The following CDH2 variants were observed in gnomAD, a reference collection of about 807,000 sequenced individuals.
CDH2 encodes cadherin 2, also known as cadherin-2.
A neutral mutation model predicts 92.0 loss-of-function variants in CDH2; 17 were observed. The observed-to-expected ratio is 0.18, with a 90% CI of 0.13 to 0.28. The LOEUF is 0.28. Ranked by LOEUF, CDH2 falls within the 10% of genes least tolerant of loss-of-function variation. The pLI, the probability that CDH2 is intolerant of heterozygous loss-of-function variation, is 1.00. For missense variants in CDH2, 862 were observed against 1,133.1 expected (o/e 0.76, Z 3.44); for synonymous variants, 419 against 415.9 (o/e 1.01, Z -0.09).
chr18:28,128,286 T>A (rs578235951), intron 2 of CDH2, among the ~76,000 whole-genome samples: 15 of 152,216 alleles, frequency 9.9e-5, no homozygotes, highest in Non-Finnish European at 2.1e-4. Context: ...ATCACTTACA[T>A]AAAGTCACAG....
chr18:27,974,472 A>G (rs1453432085), intron 14 of CDH2, among the ~76,000 whole-genome samples: 1 of 152,216 alleles, frequency 6.6e-6, no homozygotes, highest in Non-Finnish European at 1.5e-5. Flanking sequence ...CAAGCTCAAG[A>G]AAACATAGTC....
At chr18:28,065,360 C>T (rs547607322) in intron 2 of CDH2, among the ~76,000 whole-genome samples, 12 of 152,068 alleles carry the variant, frequency 7.9e-5, no homozygotes, top group African/African-American at 1.9e-4. Context: ...GGGTGATGGA[C>T]GAGTATCCAA....
intron 2 of CDH2, among the ~76,000 whole-genome samples, chr18:28,081,343 C>T (rs2014824879): frequency 6.6e-6 from 1 of 152,162 alleles, no homozygotes; most frequent in African/African-American, 2.4e-5. Flanking sequence ...TCCTAAAGCA[C>T]TAGTCAAAAT....
intron 1 of CDH2, among the ~76,000 whole-genome samples, chr18:28,154,247 G>A (rs1392224055): frequency 6.6e-6 from 1 of 152,090 alleles, no homozygotes. Context: ...CTTTTGCTTT[G>A]AACAGAGCAT....
chr18:28,019,061 C>G (rs2013334433), intron 2 of CDH2, among the ~76,000 whole-genome samples: 2 of 151,810 alleles, frequency 1.3e-5, no homozygotes, highest in Admixed American at 1.3e-4. Context: ...AAAACTAAAC[C>G]CTATGTTCTC....
At chr18:27,969,585 T>G (rs1268829877) in intron 14 of CDH2, among the ~76,000 whole-genome samples, 1 of 152,368 alleles carries the variant, frequency 6.6e-6, no homozygotes. Flanking sequence ...CACACTTCAA[T>G]TAGACTTGAT....
chr18:28,050,440 T>C (rs1465189121), intron 2 of CDH2, among the ~76,000 whole-genome samples: 1 of 151,968 alleles, frequency 6.6e-6, no homozygotes, highest in Non-Finnish European at 1.5e-5. Context: ...GAGCAGTCAC[T>C]TTCTATTCAT....
chr18:28,041,728 A>G (rs1184926643), intron 2 of CDH2, among the ~76,000 whole-genome samples: 1 of 152,182 alleles, frequency 6.6e-6, no homozygotes, highest in Non-Finnish European at 1.5e-5. Context: ...CTATTCCTGA[A>G]TTCTTAGAGG....
chr18:28,070,083 G>C (rs2014587128), intron 2 of CDH2, among the ~76,000 whole-genome samples: 1 of 152,130 alleles, frequency 6.6e-6, no homozygotes, highest in Non-Finnish European at 1.5e-5. Flanking sequence ...ATCATAGATA[G>C]GGTGAAAATT....
intron 2 of CDH2, among the ~76,000 whole-genome samples, chr18:28,023,162 T>C (rs1320830271): frequency 2.0e-5 from 3 of 152,174 alleles, no homozygotes; most frequent in South Asian, 4.1e-4. Context: ...TATGACCTTA[T>C]ATGGAATCAC....
intron 2 of CDH2, among the ~76,000 whole-genome samples, chr18:28,131,385 G>C (rs1253539051): frequency 6.6e-6 from 1 of 152,168 alleles, no homozygotes; most frequent in East Asian, 1.9e-4. Flanking sequence ...TAAAGAGGTA[G>C]CGAGATCTCA....
chr18:28,144,907 C>G (rs1288298961), intron 2 of CDH2, among the ~76,000 whole-genome samples: 1 of 151,998 alleles, frequency 6.6e-6, no homozygotes, highest in East Asian at 1.9e-4. Context: ...AAATTCATTA[C>G]ACTAGCAAAA....
intron 7 of CDH2, among the ~76,000 whole-genome samples, chr18:27,997,957 C>T (rs1662728): frequency 0.51 from 76,712 of 151,374 alleles, 19,512 homozygotes; most frequent in South Asian, 0.58. Context: ...CAGGCGCCCG[C>T]AACCACGCCT....
At chr18:27,989,794 T>C (rs1737600778) in intron 10 of CDH2, among the ~76,000 whole-genome samples, 1 of 152,186 alleles carries the variant, frequency 6.6e-6, no homozygotes, top group East Asian at 1.9e-4. Flanking sequence ...TTGTGATGTT[T>C]GGCATAAAGG....
At chr18:28,035,470 A>G (rs1376044735) in intron 2 of CDH2, among the ~76,000 whole-genome samples, 1 of 152,040 alleles carries the variant, frequency 6.6e-6, no homozygotes, top group African/African-American at 2.4e-5. Flanking sequence ...AATGAGGTTA[A>G]CCTTCATTTT....
chr18:28,151,024 C>G (rs1470371092), intron 1 of CDH2, among the ~76,000 whole-genome samples: 1 of 152,204 alleles, frequency 6.6e-6, no homozygotes, highest in Non-Finnish European at 1.5e-5. Context: ...TTACTTTGCA[C>G]CAAGCACTGT....
At chr18:27,975,573 G>T (rs1419048444) in intron 14 of CDH2, among the ~76,000 whole-genome samples, 2 of 152,216 alleles carry the variant, frequency 1.3e-5, no homozygotes, top group South Asian at 4.1e-4. Flanking sequence ...TCTAGGTGGG[G>T]TGCCTGCCAC....
chr18:27,967,423 A>G (rs893366905), intron 14 of CDH2, among the ~76,000 whole-genome samples: 1 of 152,202 alleles, frequency 6.6e-6, no homozygotes, highest in Non-Finnish European at 1.5e-5. Flanking sequence ...GTAGGATGAG[A>G]ATTATAAAGA....
chr18:28,052,586 T>TAA (rs2014214075), intron 2 of CDH2, among the ~76,000 whole-genome samples: 1 of 152,204 alleles, frequency 6.6e-6, no homozygotes, highest in African/African-American at 2.4e-5. Flanking sequence ...ACTTCAGTGT[T>TAA]ACATGGGTAC....
Sources: allele counts gnomAD v4.1 joint callset (sites outside exome capture counted in the v4.1 genomes callset), GRCh38; gene constraint gnomAD v4.1.1; transcripts MANE v1.5; gene names NCBI Gene and HGNC (gene_info 2026-07-23, HGNC 2026-07-21).